The following ZNF365 variants were observed in gnomAD, a reference collection of about 807,000 sequenced individuals.
ZNF365 encodes the protein protein ZNF365.
A neutral mutation model predicts 35.0 loss-of-function variants in ZNF365; 22 were observed. That is an observed-to-expected ratio of 0.63 (90% CI 0.45 to 0.90). The LOEUF (loss-of-function observed/expected upper bound fraction) is 0.90, where lower values mean the gene tolerates loss of function less well. Ranked by LOEUF, ZNF365 falls within the 40% of genes least tolerant of loss-of-function variation. ZNF365 has a pLI of 0.00. For synonymous variants in ZNF365, 188 were observed against 196.2 expected (o/e 0.96, Z 0.35); for missense variants, 448 against 500.3 (o/e 0.90, Z 1.00).
intron 3 of ZNF365, among the ~76,000 whole-genome samples, chr10:62,389,979 C>T (rs919836847): frequency 1.3e-5 from 2 of 152,094 alleles, no homozygotes; most frequent in African/African-American, 2.4e-5. Flanking sequence ...AAACCATGAG[C>T]GTGTCCAGCC....
intron 3 of ZNF365, among the ~76,000 whole-genome samples, chr10:62,415,373 G>A (rs538236355): frequency 1.3e-5 from 2 of 152,220 alleles, no homozygotes; most frequent in African/African-American, 4.8e-5. Context: ...TTTGAACTGA[G>A]TTGAGGCTGA....
chr10:62,414,953 T>C (rs552211213), intron 3 of ZNF365, among the ~76,000 whole-genome samples: 128 of 152,332 alleles, frequency 8.4e-4, no homozygotes, highest in Admixed American at 2.0e-3. Context: ...ATTAATCCTG[T>C]CTTCTGTGTC....
At position 62,400,472 on chromosome 10, in the gene ZNF365, GTCTTCTTTGGC is replaced by G. The variant is rs1357482045; in HGVS notation, c.*685_*695del. ...ATTCAGATTTTGGTACACCTCTGCC[GTCTTCTTTGGC>G]TGAGTATTCTGCACCCACAGACCAT... On this transcript the variant is annotated 3_prime_UTR_variant, in exon 5 of 5. Transcript: ENST00000395254. 1.0e-6 allele frequency: 1 copy of G among 985,830 alleles called. No homozygotes were observed. The highest frequency in any genetic ancestry group is 1.2e-6 in the Non-Finnish European group (1 of 829,950). 61.1% of individuals were successfully genotyped at this position (985,830 alleles called of 1,614,324 possible). A position where few individuals can be genotyped will look rare whatever the true frequency, so the allele number is the denominator to read the frequency against.
chr10:62,456,546 CT>C (rs1175767083), intron 3 of ZNF365, among the ~76,000 whole-genome samples: 8 of 152,104 alleles, frequency 5.3e-5, no homozygotes, highest in African/African-American at 1.9e-4. Flanking sequence ...CCAAATCCAT[CT>C]GATTTCAGCA....
In ZNF365 at chr10:62,402,251, T is replaced by G; in HGVS notation, c.*2462T>G. On this transcript the variant is annotated 3_prime_UTR_variant, in exon 5 of 5. Coordinates refer to ENST00000395254, the MANE Select transcript of ZNF365 (RefSeq NM_014951.3). ...GTCTTGTAGGGAAGAAATCTTCCTT[T>G]GAACCGCTTTTCTTGCTTTTTCCCT... 1 of 985,918 alleles carries G rather than the reference T, an allele frequency of 1.0e-6. No homozygotes were observed. Among genetic ancestry groups the G allele is most frequent in the Non-Finnish European group, 1.2e-6 (1 of 829,930 alleles). 61.1% of individuals were successfully genotyped at this position (985,918 alleles called of 1,614,324 possible). A position where few individuals can be genotyped will look rare whatever the true frequency, so the allele number is the denominator to read the frequency against.
chr10:62,408,900 G>A (rs1266031011), intron 3 of ZNF365, among the ~76,000 whole-genome samples: 1 of 152,090 alleles, frequency 6.6e-6, no homozygotes, highest in Non-Finnish European at 1.5e-5. Context: ...TTATTCCCCA[G>A]CAGGGTCAAG....
At chr10:62,478,935 T>A (rs1329556272) in intron 4 of ZNF365, among the ~76,000 whole-genome samples, 1 of 152,250 alleles carries the variant, frequency 6.6e-6, no homozygotes, top group East Asian at 1.9e-4. Context: ...GTTCTATTGG[T>A]AGTACAATGC....
intron 2 of ZNF365, among the ~76,000 whole-genome samples, chr10:62,379,464 T>A (rs901904517): frequency 4.0e-5 from 6 of 151,210 alleles, no homozygotes; most frequent in African/African-American, 1.2e-4. Context: ...TTTTTTTTTT[T>A]AAACGTTCAT....
intron 3 of ZNF365, among the ~76,000 whole-genome samples, chr10:62,398,430 A>G (rs940015007): frequency 6.6e-6 from 1 of 152,182 alleles, no homozygotes; most frequent in Non-Finnish European, 1.5e-5. Flanking sequence ...ACTTGGAAAC[A>G]TATTTCTTCA....
chr10:62,450,541 C>G (rs1439677293), intron 3 of ZNF365, among the ~76,000 whole-genome samples: 2 of 152,162 alleles, frequency 1.3e-5, no homozygotes, highest in Non-Finnish European at 2.9e-5. Context: ...AAGTTATGCA[C>G]TGTGAGGTAG....
intron 3 of ZNF365, among the ~76,000 whole-genome samples, chr10:62,392,265 T>C (rs948214674): frequency 6.6e-6 from 1 of 152,258 alleles, no homozygotes; most frequent in Non-Finnish European, 1.5e-5. Flanking sequence ...TATTTATCTT[T>C]GTTTTTGTTG....
intron 3 of ZNF365, among the ~76,000 whole-genome samples, chr10:62,435,743 C>G (rs904124716): frequency 6.6e-6 from 1 of 152,154 alleles, no homozygotes; most frequent in Non-Finnish European, 1.5e-5. Flanking sequence ...CATTTCCATC[C>G]AGACTTCTGG....
At chr10:62,472,582 A>C (rs1408418429) in intron 4 of ZNF365, among the ~76,000 whole-genome samples, 1 of 152,204 alleles carries the variant, frequency 6.6e-6, no homozygotes, top group Non-Finnish European at 1.5e-5. Flanking sequence ...GGCCTGTGAC[A>C]GAGCCTTTCC....
chr10:62,480,106 C>T (rs752345655), exon 5 of ZNF365: 29 of 1,332,090 alleles, frequency 2.2e-5, no homozygotes, highest in Non-Finnish European at 2.6e-5. Flanking sequence ...TCCTCCCTAA[C>T]AAGACTGCAG....
chr10:62,423,659 G>A (rs908386169), intron 3 of ZNF365, among the ~76,000 whole-genome samples: 4 of 152,094 alleles, frequency 2.6e-5, no homozygotes, highest in African/African-American at 7.2e-5. Flanking sequence ...GGGTAGCGTA[G>A]GTGACACTAC....
intron 3 of ZNF365, among the ~76,000 whole-genome samples, chr10:62,429,710 A>G (rs1025380781): frequency 3.3e-5 from 5 of 152,208 alleles, no homozygotes; most frequent in African/African-American, 1.2e-4. Flanking sequence ...GTATTATTTA[A>G]TAAGGGGAGA....
At chr10:62,384,348 T>C (rs1839491122) in intron 2 of ZNF365, among the ~76,000 whole-genome samples, 1 of 152,256 alleles carries the variant, frequency 6.6e-6, no homozygotes, top group Non-Finnish European at 1.5e-5. Flanking sequence ...ATATTATTCT[T>C]CTTCTTAGTC....
chr10:62,463,923 A>G (rs1446126954), intron 4 of ZNF365, among the ~76,000 whole-genome samples: 1 of 152,182 alleles, frequency 6.6e-6, no homozygotes, highest in Non-Finnish European at 1.5e-5. Flanking sequence ...AGAGACTCAA[A>G]CTGTGCATTT....
downstream of ZNF365, among the ~76,000 whole-genome samples, chr10:62,406,016 G>A (rs1839899102): frequency 1.3e-5 from 2 of 152,304 alleles, no homozygotes; most frequent in South Asian, 4.1e-4. Context: ...GATTCTTAAA[G>A]GGTAAGGGAT....
Sources: allele counts gnomAD v4.1 joint callset (sites outside exome capture counted in the v4.1 genomes callset), GRCh38; gene constraint gnomAD v4.1.1; transcripts MANE v1.5; gene names NCBI Gene and HGNC (gene_info 2026-07-23, HGNC 2026-07-21).